Variants in AGBL1 observed in about 807,000 individuals in gnomAD.
The protein encoded by AGBL1 is AGBL carboxypeptidase 1.
Under a neutral mutation model 118.9 loss-of-function variants are expected in AGBL1, and 130 were observed. The observed-to-expected ratio is 1.09, with a 90% confidence interval of 0.95 to 1.26. The LOEUF (loss-of-function observed/expected upper bound fraction) is 1.26, where lower values mean the gene tolerates loss of function less well. Ranked by LOEUF, AGBL1 falls within the 50% of genes most tolerant of loss-of-function variation. The pLI, the probability that AGBL1 is intolerant of heterozygous loss-of-function variation, is 0.00. For missense variants in AGBL1, 1,584 were observed against 1,298.1 expected, an observed-to-expected ratio of 1.22 and a Z score of -3.38; for synonymous variants, 555 against 478.9, an observed-to-expected ratio of 1.16 and a Z score of -2.08.
chr15:86,854,785 T>C (rs1216624831), intron 22 of AGBL1, among the ~76,000 whole-genome samples: 1 of 152,200 alleles, frequency 6.6e-6, no homozygotes, highest in Non-Finnish European at 1.5e-5. Flanking sequence ...ATCTGGGTCT[T>C]ATCTCCTGTA....
rs575527828 is a variant in AGBL1 at position 86,698,625 on chromosome 15, T to A, written c.3158+24189T>A. Among the ~76,000 whole-genome samples, 255 of 150,742 alleles carry A rather than the reference T, an allele frequency of 1.7e-3. 3 individuals carry two copies. In the South Asian group the frequency reaches 0.041, roughly 24 times the overall value. On this transcript the variant is annotated intron_variant, in intron 22 of 22. Coordinates refer to ENST00000614907, the MANE Select transcript of AGBL1 (RefSeq NM_001386094.1). ...GCTGATCATTGTTTTTTTTTTTTTTTAAAAAGAGACCAACAGGATTTATGG... is the reference window on the plus strand; with the variant it reads ...GCTGATCATTGTTTTTTTTTTTTTTAAAAAAGAGACCAACAGGATTTATGG...
chr15:86,598,255 T>G (rs1436070222), intron 21 of AGBL1, among the ~76,000 whole-genome samples: 2 of 152,098 alleles, frequency 1.3e-5, no homozygotes, highest in Non-Finnish European at 2.9e-5. Context: ...TGAAGAAGCA[T>G]TTAAAACTCT....
At chr15:86,389,343 A>G (rs975610467) in intron 17 of AGBL1, among the ~76,000 whole-genome samples, 1 of 152,292 alleles carries the variant, frequency 6.6e-6, no homozygotes, top group East Asian at 1.9e-4. Context: ...AAGTTCTTGC[A>G]CAATCTTGGT....
chr15:86,520,738 G>T (rs943110927), intron 18 of AGBL1, among the ~76,000 whole-genome samples: 4 of 152,166 alleles, frequency 2.6e-5, no homozygotes, highest in Admixed American at 6.6e-5. Flanking sequence ...CAAATCCCCA[G>T]TGTTGATGAG....
At chr15:86,759,629 A>G (rs182151305) in intron 22 of AGBL1, among the ~76,000 whole-genome samples, 2 of 152,242 alleles carry the variant, frequency 1.3e-5, no homozygotes, top group African/African-American at 4.8e-5. Context: ...TGAGGTAGCC[A>G]TTGTTAGAAA....
At chr15:86,631,317 A>T (rs535711589) in intron 21 of AGBL1, among the ~76,000 whole-genome samples, 1 of 152,064 alleles carries the variant, frequency 6.6e-6, no homozygotes, top group Non-Finnish European at 1.5e-5. Context: ...GAGAAAAAAA[A>T]GTCATATTCA....
At chr15:86,129,860 C>T (rs560230703) in intron 1 of AGBL1, among the ~76,000 whole-genome samples, 4 of 152,052 alleles carry the variant, frequency 2.6e-5, no homozygotes, top group East Asian at 3.9e-4. Flanking sequence ...TGAGAGAGAG[C>T]GTGTGGGGTG....
At chr15:86,863,918 T>C (rs2079592143) in intron 22 of AGBL1, among the ~76,000 whole-genome samples, 1 of 152,164 alleles carries the variant, frequency 6.6e-6, no homozygotes, top group Non-Finnish European at 1.5e-5. Context: ...AAGTAGATGT[T>C]ATAGTCTACA....
chr15:86,489,788 A>G (rs989308297), intron 18 of AGBL1, among the ~76,000 whole-genome samples: 43 of 152,108 alleles, frequency 2.8e-4, no homozygotes, highest in African/African-American at 9.7e-4. Flanking sequence ...CCTCTGGTCT[A>G]GATGATTAAG....
intron 21 of AGBL1, among the ~76,000 whole-genome samples, chr15:86,587,047 A>G (rs930597933): frequency 6.6e-6 from 1 of 152,174 alleles, no homozygotes; most frequent in Non-Finnish European, 1.5e-5. Context: ...ACCTTTAAAG[A>G]GTTCGGACTA....
At chr15:86,563,943 A>C (rs1046071099) in intron 21 of AGBL1, among the ~76,000 whole-genome samples, 33 of 152,198 alleles carry the variant, frequency 2.2e-4, no homozygotes, top group African/African-American at 7.5e-4. Context: ...ATCAGAGACT[A>C]GGGTTGCAAC....
chr15:86,563,945 G>A (rs1004476677), intron 21 of AGBL1, among the ~76,000 whole-genome samples: 19 of 152,026 alleles, frequency 1.2e-4, no homozygotes, highest in Non-Finnish European at 2.1e-4. Flanking sequence ...CAGAGACTAG[G>A]GTTGCAACCC....
chr15:86,889,675 C>T (rs187922220), intron 22 of AGBL1, among the ~76,000 whole-genome samples: 7 of 152,220 alleles, frequency 4.6e-5, no homozygotes, highest in Admixed American at 1.3e-4. Context: ...TATTAGTTTG[C>T]TGAGGATAAC....
At chr15:86,150,067 C>A (rs915210160) in intron 3 of AGBL1, among the ~76,000 whole-genome samples, 1 of 152,188 alleles carries the variant, frequency 6.6e-6, no homozygotes, top group Non-Finnish European at 1.5e-5. Context: ...TAAAGATGTT[C>A]TTTGAAACCA....
At chr15:86,331,134 G>A (rs925782326) in intron 17 of AGBL1, among the ~76,000 whole-genome samples, 5 of 147,398 alleles carry the variant, frequency 3.4e-5, no homozygotes, top group African/African-American at 1.3e-4. Context: ...TGAGGCAGGA[G>A]AATCACTTGA....
chr15:86,234,550 CAAAAAAAAAA>C (rs397854519), intron 6 of AGBL1, among the ~76,000 whole-genome samples: 1 of 76,322 alleles, frequency 1.3e-5, no homozygotes, highest in Non-Finnish European at 2.5e-5. Context: ...GACTCTATCT[CAAAAAAAAAA>C]AAAAAAAAAA....
At chr15:86,650,224 G>A (rs2085347690) in intron 21 of AGBL1, among the ~76,000 whole-genome samples, 2 of 152,044 alleles carry the variant, frequency 1.3e-5, no homozygotes, top group South Asian at 4.1e-4. Flanking sequence ...TTGGTACACG[G>A]CCACCTGAAA....
At chr15:86,676,773 G>A (rs1045023849) in intron 22 of AGBL1, among the ~76,000 whole-genome samples, 5 of 152,076 alleles carry the variant, frequency 3.3e-5, no homozygotes, top group African/African-American at 7.2e-5. Flanking sequence ...TAACATTGTG[G>A]GTGAGGGGGC....
At chr15:86,707,104 C>G (rs564494693) in intron 22 of AGBL1, among the ~76,000 whole-genome samples, 1 of 152,216 alleles carries the variant, frequency 6.6e-6, no homozygotes, top group African/African-American at 2.4e-5. Flanking sequence ...TCTAGTTTTG[C>G]TAGCTATGTG....
Sources: allele counts gnomAD v4.1 joint callset (sites outside exome capture counted in the v4.1 genomes callset), GRCh38; gene constraint gnomAD v4.1.1; transcripts MANE v1.5; gene names NCBI Gene and HGNC (gene_info 2026-07-23, HGNC 2026-07-21).